The following RALYL variants were observed in gnomAD, a reference collection of about 807,000 sequenced individuals.
The protein encoded by RALYL is RNA-binding Raly-like protein.
Under a neutral mutation model 35.1 loss-of-function variants are expected in RALYL, and 29 were observed. The observed-to-expected ratio is 0.83, with a 90% CI of 0.61 to 1.13. The LOEUF (loss-of-function observed/expected upper bound fraction) is 1.13. RALYL is among the 50% of genes most tolerant of loss of function. The pLI, the probability that RALYL is intolerant of heterozygous loss-of-function variation, is 0.00. For synonymous variants in RALYL, 120 were observed against 127.6 expected (o/e 0.94, Z 0.40); for missense variants, 359 against 360.4 (o/e 1.00, Z 0.03).
chr8:84,753,697 T>C (rs1810630661), intron 2 of RALYL, among the ~76,000 whole-genome samples: 1 of 152,058 alleles, frequency 6.6e-6, no homozygotes. Flanking sequence ...CCAGGTGAAG[T>C]GCTGGCTCCC....
At chr8:84,890,465 C>T (rs1843629227) in intron 8 of RALYL, among the ~76,000 whole-genome samples, 1 of 152,136 alleles carries the variant, frequency 6.6e-6, no homozygotes, top group South Asian at 2.1e-4. Flanking sequence ...TAAAGATTGG[C>T]AGTGTTAGTA....
At chr8:84,917,419 A>G (rs1848658294) in intron 8 of RALYL, among the ~76,000 whole-genome samples, 1 of 151,904 alleles carries the variant, frequency 6.6e-6, no homozygotes, top group Non-Finnish European at 1.5e-5. Flanking sequence ...ACTATAGACA[A>G]TGTCAAGGGT....
chr8:84,579,725 G>A (rs748048792), intron 2 of RALYL, among the ~76,000 whole-genome samples: 2 of 152,004 alleles, frequency 1.3e-5, no homozygotes, highest in African/African-American at 2.4e-5. Flanking sequence ...CTCACTTTTT[G>A]GAATTGGAGA....
At chr8:84,272,509 T>G (rs1043222481) in intron 1 of RALYL, among the ~76,000 whole-genome samples, 2 of 152,212 alleles carry the variant, frequency 1.3e-5, no homozygotes, top group African/African-American at 4.8e-5. Flanking sequence ...TTTTTTAACT[T>G]GGTAAACTTA....
chr8:84,473,243 TA>T (rs1300798406), intron 1 of RALYL, among the ~76,000 whole-genome samples: 10 of 151,926 alleles, frequency 6.6e-5, no homozygotes, highest in Non-Finnish European at 1.5e-4. Context: ...TATGTAAAAG[TA>T]GAAGAATATT....
At chr8:84,236,900 AAAT>A (rs2131512720) in intron 1 of RALYL, among the ~76,000 whole-genome samples, 1 of 152,330 alleles carries the variant, frequency 6.6e-6, no homozygotes, top group East Asian at 1.9e-4. Flanking sequence ...AAGCTGAAAG[AAAT>A]AATATGGTGT....
intron 4 of RALYL, among the ~76,000 whole-genome samples, chr8:84,848,369 T>C (rs1835086096): frequency 6.6e-6 from 1 of 151,700 alleles, no homozygotes; most frequent in African/African-American, 2.4e-5. Context: ...ATTGGAGTAA[T>C]ACTTTTAAAT....
chr8:84,552,365 T>A (rs1371035498), intron 2 of RALYL, among the ~76,000 whole-genome samples: 30 of 121,872 alleles, frequency 2.5e-4, no homozygotes, highest in African/African-American at 6.7e-4. Context: ...TATATTTTTT[T>A]TTTTTTTTTT....
intron 1 of RALYL, among the ~76,000 whole-genome samples, chr8:84,374,524 T>C (rs1341850238): frequency 1.3e-5 from 2 of 151,996 alleles, no homozygotes; most frequent in African/African-American, 2.4e-5. Flanking sequence ...ATATACACAA[T>C]GGAATACTAT....
chr8:84,557,532 G>A (rs889099654), intron 2 of RALYL, among the ~76,000 whole-genome samples: 1 of 152,062 alleles, frequency 6.6e-6, no homozygotes, highest in Non-Finnish European at 1.5e-5. Flanking sequence ...TATTTCTAGA[G>A]CTTATGCATT....
intron 2 of RALYL, among the ~76,000 whole-genome samples, chr8:84,686,019 A>G (rs1464326974): frequency 6.6e-6 from 1 of 152,280 alleles, no homozygotes; most frequent in East Asian, 1.9e-4. Flanking sequence ...GGATTAGGGT[A>G]CATTTTGTGT....
At chr8:84,575,225 T>C (rs1335906420) in intron 2 of RALYL, among the ~76,000 whole-genome samples, 1 of 152,156 alleles carries the variant, frequency 6.6e-6, no homozygotes, top group East Asian at 1.9e-4. Flanking sequence ...CCTAAACATG[T>C]GTGCCAATTA....
chr8:84,414,217 T>C (rs1367594296), intron 1 of RALYL, among the ~76,000 whole-genome samples: 2 of 152,166 alleles, frequency 1.3e-5, no homozygotes, highest in African/African-American at 4.8e-5. Context: ...TTAATATAAA[T>C]TACTCTATCA....
chr8:84,235,770 T>TC, intron 1 of RALYL, among the ~76,000 whole-genome samples: 1 of 146,782 alleles, frequency 6.8e-6, no homozygotes, highest in East Asian at 2.0e-4. Flanking sequence ...TCTTTTTCTT[T>TC]TTTTTTTTTT....
intron 2 of RALYL, among the ~76,000 whole-genome samples, chr8:84,621,631 G>C (rs1462109590): frequency 6.6e-6 from 1 of 152,112 alleles, no homozygotes; most frequent in Non-Finnish European, 1.5e-5. Flanking sequence ...CCCGACTATA[G>C]AACTTTCATA....
intron 2 of RALYL, among the ~76,000 whole-genome samples, chr8:84,543,837 A>C (rs2060179749): frequency 6.6e-6 from 1 of 152,094 alleles, no homozygotes. Context: ...TTTATTGGGG[A>C]ATACTATTTA....
At chr8:84,502,569 G>T (rs936799178) in intron 1 of RALYL, among the ~76,000 whole-genome samples, 4 of 151,996 alleles carry the variant, frequency 2.6e-5, no homozygotes, top group African/African-American at 9.7e-5. Flanking sequence ...AGGTTTCTTT[G>T]TAAAAAGATG....
At chr8:84,857,105 T>G (rs1417903090) in intron 5 of RALYL, among the ~76,000 whole-genome samples, 2 of 143,816 alleles carry the variant, frequency 1.4e-5, no homozygotes, top group African/African-American at 5.2e-5. Context: ...TAGAAATGAA[T>G]AGGCACCTTA....
At chr8:84,485,252 TG>T (rs917474501) in intron 1 of RALYL, among the ~76,000 whole-genome samples, 1 of 152,142 alleles carries the variant, frequency 6.6e-6, no homozygotes, top group African/African-American at 2.4e-5. Context: ...TGTCAGCACC[TG>T]GGGGCCTAGC....
Sources: allele counts gnomAD v4.1 joint callset (sites outside exome capture counted in the v4.1 genomes callset), GRCh38; gene constraint gnomAD v4.1.1; transcripts MANE v1.5; gene names NCBI Gene and HGNC (gene_info 2026-07-23, HGNC 2026-07-21).